The following RER1 variants were observed in gnomAD, a reference collection of about 807,000 sequenced individuals.
RER1 encodes the protein retention in endoplasmic reticulum sorting receptor 1.
A neutral mutation model predicts 28.3 loss-of-function variants in RER1; 6 were observed. The observed-to-expected ratio is 0.21, with a 90% CI of 0.12 to 0.42. RER1 has a LOEUF of 0.42. Among genes scored for constraint, RER1 ranks in the 10% least tolerant of loss-of-function variants. The probability of loss-of-function intolerance (pLI) is 1.00; values close to 1 mark genes in which losing one functional copy is unlikely to be tolerated. For missense variants in RER1, 159 were observed against 252.9 expected, an observed-to-expected ratio of 0.63 and a Z score of 2.52; for synonymous variants, 110 against 95.9, an observed-to-expected ratio of 1.15 and a Z score of -0.86.
In RER1 at chr1:2,401,849, A is replaced by G. The variant is rs117152531; in HGVS notation, c.366-358A>G. 9.0e-4 allele frequency: 531 copies of G among 589,356 alleles called. 10 individuals are homozygous for G. The East Asian group carries it at 0.015, about 17-fold the overall frequency. The allele number at this position is 589,356 out of a possible 1,614,324, so 36.5% of individuals were successfully genotyped here. Reference sequence around the variant, plus strand: ...CACTGGTGGCCATGCCACAGTGACAAGGTGAAGGCCCTGGATGGTCCACAA... The same window carrying G: ...CACTGGTGGCCATGCCACAGTGACAGGGTGAAGGCCCTGGATGGTCCACAA... On this transcript the variant is annotated intron_variant, in intron 5 of 6. Transcript: ENST00000605895.
Position 2,403,482 on chromosome 1 carries a change from C to CGCCA in RER1, c.*362_*365dup. 3.4e-6 allele frequency: 1 copy of CGCCA among 293,018 alleles called. No homozygotes were observed. The highest frequency in any genetic ancestry group is 6.6e-6 in the Non-Finnish European group (1 of 150,444). 18.2% of individuals were successfully genotyped at this position (293,018 alleles called of 1,614,324 possible). ...TGCGAGGGAGGAACGGGCCGCTCCCCGCCAGCCGCCTTCCCCAGCAGCCGC... is the reference window on the plus strand; with the variant it reads ...TGCGAGGGAGGAACGGGCCGCTCCCCGCCAGCCAGCCGCCTTCCCCAGCAGCCGC... On this transcript the variant is annotated 3_prime_UTR_variant, in exon 7 of 7. Coordinates refer to ENST00000605895, the MANE Select transcript of RER1 (RefSeq NM_007033.5).
chr1:2,402,962 G>A (rs919600329), intron 6 of RER1, 73 bp from the exon 7 acceptor site: 43 of 1,281,396 alleles, frequency 3.4e-5, no homozygotes, highest in South Asian at 2.3e-4. Context: ...ACCTTTGGCC[G>A]CTCAGATTTG....
intron 4 of RER1, 28 bp from the exon 5 acceptor site, chr1:2,400,829 C>G: frequency 3.2e-6 from 5 of 1,587,244 alleles, no homozygotes; most frequent in Non-Finnish European, 4.3e-6. Flanking sequence ...AAAGAGGTGC[C>G]CTCCCTGATG....
intron 1 of RER1, among the ~76,000 whole-genome samples, chr1:2,392,631 A>T (rs1353272952): frequency 6.6e-6 from 1 of 152,230 alleles, no homozygotes; most frequent in East Asian, 1.9e-4. Flanking sequence ...TTTTCCCTTT[A>T]TGAAGAGTAG....
chr1:2,396,462 G>C (rs1273177277), intron 2 of RER1: 1 of 152,734 alleles, frequency 6.5e-6, no homozygotes, highest in Non-Finnish European at 1.5e-5. Flanking sequence ...GGCGATTAAT[G>C]AAGTTGGGTG....
chr1:2,399,079 A>T (rs2100402931), intron 3 of RER1, among the ~76,000 whole-genome samples: 1 of 152,296 alleles, frequency 6.6e-6, no homozygotes, highest in African/African-American at 2.4e-5. Flanking sequence ...TAGCTTGAGC[A>T]TGTGCTTCTT....
At chr1:2,392,500 C>G (rs1212011339) in intron 1 of RER1, among the ~76,000 whole-genome samples, 1 of 152,194 alleles carries the variant, frequency 6.6e-6, no homozygotes, top group Non-Finnish European at 1.5e-5. Context: ...CATAAATTCT[C>G]CAGGCTGACT....
chr1:2,405,274 C>T lies in RER1; in HGVS notation c.*2150C>T, dbSNP rs1206851270. ...CCTCGGGGAGAGCAGCGCCGCCTCC[C>T]ATGGGGCCGTGGGGCTGCTGTTCTC... On this transcript the variant is annotated 3_prime_UTR_variant, in exon 7 of 7. Coordinates refer to ENST00000605895, the MANE Select transcript of RER1 (RefSeq NM_007033.5). 3.5e-6 allele frequency: 1 copy of T among 289,506 alleles called. No homozygotes were observed. The highest frequency in any genetic ancestry group is 2.2e-5 in the African/African-American group (1 of 45,016). The allele number at this position is 289,506 out of a possible 1,614,324, so 17.9% of individuals were successfully genotyped here. A position where few individuals can be genotyped will look rare whatever the true frequency, so the allele number is the denominator to read the frequency against.
intron 1 of RER1, among the ~76,000 whole-genome samples, 193 bp downstream of exon 1, chr1:2,392,151 G>A (rs1390995393): frequency 1.3e-5 from 2 of 150,224 alleles, no homozygotes; most frequent in African/African-American, 2.5e-5. Flanking sequence ...TCGGGGTCGG[G>A]CCCGGGACGG....
rs1642920417 is a variant in RER1, at chr1:2,404,148, G to C, written c.*1024G>C. ...ATGCGAGTGAAGGCCTCTCCTCCTG[G>C]GCCCCGGGCTGCGCAGGCTCCTCAC... On this transcript the variant is annotated 3_prime_UTR_variant, in exon 7 of 7. Transcript: ENST00000605895. 1 of 151,996 alleles carries C rather than the reference G, an allele frequency of 6.6e-6. No homozygotes were observed. Among genetic ancestry groups the C allele is most frequent in the Non-Finnish European group, 1.5e-5 (1 of 67,980 alleles). 9.4% of individuals were successfully genotyped at this position (151,996 alleles called of 1,614,324 possible). A position where few individuals can be genotyped will look rare whatever the true frequency, so the allele number is the denominator to read the frequency against.
rs1348574446 is a variant in RER1, at chr1:2,402,207, G to A, written c.366G>A (p.Trp122Ter). ...GCTAACCTTCTCTCCCCACTTGAAG[G>A]CATGCGGCTACCAAGGGCATCCTTG... ...FIRRLPEFKF[W>*]HAATKGILVA... Residue 122 changes from tryptophan (W) to a stop codon, truncating the protein, a stop_gained and splice_region_variant, in exon 6 of 7, where the codon TGG (tryptophan) becomes TGA (stop). Transcript: ENST00000605895. LOFTEE classifies it high-confidence loss of function. The A allele has an allele frequency of 6.2e-7, 1 of 1,614,224 alleles. No homozygotes were observed. Among genetic ancestry groups the A allele is most frequent in the Non-Finnish European group, 8.5e-7 (1 of 1,180,048 alleles).
chr1:2,396,559 A>G (rs1642770324), intron 2 of RER1, among the ~76,000 whole-genome samples: 1 of 152,270 alleles, frequency 6.6e-6, no homozygotes, highest in African/African-American at 2.4e-5. Context: ...CTAAATTAAA[A>G]TAAAAAACCA....
At chr1:2,395,520 C>T in intron 1 of RER1, 1 of 461,908 alleles carries the variant, frequency 2.2e-6, no homozygotes, top group Non-Finnish European at 4.0e-6. Flanking sequence ...CAGTCCCGCC[C>T]ACGCAGGTGA....
Position 2,403,268 on chromosome 1 carries a change from A to T in RER1, c.*144A>T, listed in dbSNP as rs1484278807. On this transcript the variant is annotated 3_prime_UTR_variant, in exon 7 of 7. Coordinates refer to ENST00000605895, the MANE Select transcript of RER1 (RefSeq NM_007033.5). ...GGAGCTTCAATGATTTGTAACTGAA[A>T]TATCAGGTTCTAGAAGAAACTGGCG... 7.8e-6 allele frequency: 5 copies of T among 637,158 alleles called. No individual in the cohort carries two copies. The highest frequency in any genetic ancestry group is 1.4e-5 in the Non-Finnish European group (5 of 353,834). The allele number at this position is 637,158 out of a possible 1,614,324, so 39.5% of individuals were successfully genotyped here.
chr1:2,394,913 C>G (rs1465011211), intron 1 of RER1: 2 of 152,292 alleles, frequency 1.3e-5, no homozygotes, highest in African/African-American at 4.8e-5. Context: ...CTGAGCTGTG[C>G]TTTACCGAAG....
At chr1:2,399,654 A>G (rs1382032480) in intron 4 of RER1, 140 bp downstream of exon 4, 17 of 638,050 alleles carry the variant, frequency 2.7e-5, no homozygotes, top group Non-Finnish European at 4.8e-5. Flanking sequence ...TGATCAGGAT[A>G]TGTTTGTAGA....
chr1:2,401,029 T>C lies in RER1; in HGVS notation c.365+94T>C, dbSNP rs541077842. 157 of 1,073,228 alleles carry C rather than the reference T, an allele frequency of 1.5e-4. No individual in the cohort carries two copies. In the African/African-American group the frequency reaches 2.3e-3, roughly 16 times the overall value. The allele number at this position is 1,073,228 out of a possible 1,614,324, so 66.5% of individuals were successfully genotyped here. On this transcript the variant is annotated intron_variant, in intron 5 of 6. Transcript: ENST00000605895. ...ATTTTTGTTCAAGTCACCTGAAAGA[T>C]GACTGCTGTGCTGGGCTGGGCACGG...
chr1:2,401,989 AG>A (rs1163742336), intron 5 of RER1: 1 of 1,474,704 alleles, frequency 6.8e-7, no homozygotes, highest in African/African-American at 1.4e-5. Context: ...GTGTCTTTCA[AG>A]GGAGTAAGAG....
intron 5 of RER1, among the ~76,000 whole-genome samples, chr1:2,401,213 T>TTC: frequency 8.4e-6 from 1 of 118,420 alleles, no homozygotes; most frequent in Non-Finnish European, 1.9e-5. Flanking sequence ...TCCTCCCTCC[T>TTC]CCTCCCTCCT....
Sources: gnomAD v4.1 joint callset for allele counts (sites outside exome capture counted in the v4.1 genomes callset) on GRCh38, gnomAD v4.1.1 for gene constraint, MANE v1.5 for transcripts, NCBI Gene and HGNC (gene_info 2026-07-23, HGNC 2026-07-21) for gene names.